AGBL4: variants seen among roughly 807,000 people sequenced by gnomAD.
AGBL4 encodes the protein AGBL carboxypeptidase 4.
AGBL4 carries 58 observed loss-of-function variants against 66.4 expected under a neutral mutation model. The ratio of observed to expected loss-of-function variants is 0.87; its 90% CI spans 0.71 to 1.09. The LOEUF is 1.09. Among genes scored for constraint, AGBL4 ranks in the 50% least tolerant of loss-of-function variants. AGBL4 has a pLI of 0.00. For missense variants in AGBL4, 579 were observed against 631.0 expected (o/e 0.92, Z 0.88); for synonymous variants, 234 against 222.9 (o/e 1.05, Z -0.44).
chr1:49,989,019 G>A (rs977615777), intron 1 of AGBL4, among the ~76,000 whole-genome samples: 1 of 152,076 alleles, frequency 6.6e-6, no homozygotes, highest in Non-Finnish European at 1.5e-5. Context: ...AAACAAACCC[G>A]TATTTGTGCA....
chr1:49,683,736 G>A (rs1054831254), intron 3 of AGBL4, among the ~76,000 whole-genome samples: 3 of 152,136 alleles, frequency 2.0e-5, no homozygotes, highest in African/African-American at 7.2e-5. Flanking sequence ...ATGAGGAAAC[G>A]ACATGAATAA....
intron 6 of AGBL4, chr1:48,776,525 CCCT>C: frequency 3.8e-6 from 4 of 1,046,876 alleles, no homozygotes; most frequent in Non-Finnish European, 3.9e-6. Context: ...CCCCCCGGTC[CCCT>C]CCGCCCGGGC....
chr1:49,412,168 C>T (rs1557916392), intron 3 of AGBL4, among the ~76,000 whole-genome samples: 2 of 151,842 alleles, frequency 1.3e-5, no homozygotes, highest in East Asian at 3.9e-4. Context: ...AACAAAGTAC[C>T]ATAGACTGGG....
chr1:49,721,839 T>C (rs185746003), intron 2 of AGBL4, among the ~76,000 whole-genome samples: 36 of 152,196 alleles, frequency 2.4e-4, no homozygotes, highest in African/African-American at 8.4e-4. Context: ...AATACTTAAT[T>C]GGCTTTCATA....
At chr1:48,966,045 C>T (rs1338614230) in intron 5 of AGBL4, among the ~76,000 whole-genome samples, 1 of 152,090 alleles carries the variant, frequency 6.6e-6, no homozygotes, top group African/African-American at 2.4e-5. Context: ...CAAATGCTCT[C>T]ACCCTCATTT....
intron 6 of AGBL4, among the ~76,000 whole-genome samples, chr1:48,689,313 C>G (rs911004340): frequency 6.6e-6 from 1 of 151,970 alleles, no homozygotes; most frequent in Non-Finnish European, 1.5e-5. Flanking sequence ...AGGAAAAGGA[C>G]TGGGCCCAGA....
At chr1:49,553,383 C>A (rs966526473) in intron 3 of AGBL4, among the ~76,000 whole-genome samples, 2 of 152,164 alleles carry the variant, frequency 1.3e-5, no homozygotes, top group African/African-American at 4.8e-5. Flanking sequence ...TGGATGAGAC[C>A]ATTCTTCACT....
intron 5 of AGBL4, among the ~76,000 whole-genome samples, chr1:48,867,652 T>C (rs183041940): frequency 1.7e-4 from 26 of 152,324 alleles, no homozygotes; most frequent in Non-Finnish European, 3.2e-4. Flanking sequence ...GGCAATGCTC[T>C]TTGCCTTGAG....
intron 4 of AGBL4, among the ~76,000 whole-genome samples, chr1:49,170,550 T>C (rs1304263770): frequency 6.8e-6 from 1 of 146,028 alleles, no homozygotes; most frequent in Non-Finnish European, 1.5e-5. Flanking sequence ...TACATTAATA[T>C]ACAAATATGT....
At chr1:49,198,961 T>C (rs1275275760) in intron 4 of AGBL4, among the ~76,000 whole-genome samples, 2 of 152,296 alleles carry the variant, frequency 1.3e-5, no homozygotes, top group East Asian at 3.9e-4. Flanking sequence ...AAGAACTCAG[T>C]TTACATGCAC....
chr1:49,658,894 G>A (rs1056297345), intron 3 of AGBL4, among the ~76,000 whole-genome samples: 4 of 151,936 alleles, frequency 2.6e-5, no homozygotes, highest in African/African-American at 7.3e-5. Flanking sequence ...AGCATTAGGA[G>A]ATATACCTAA....
chr1:49,199,723 CTAAT>C (rs1647536381), intron 4 of AGBL4, among the ~76,000 whole-genome samples: 1 of 152,178 alleles, frequency 6.6e-6, no homozygotes, highest in South Asian at 2.1e-4. Context: ...TCTCTCCAGA[CTAAT>C]TAGTTCAGTT....
chr1:49,336,761 A>G (rs928980068), intron 3 of AGBL4, among the ~76,000 whole-genome samples: 4 of 152,208 alleles, frequency 2.6e-5, no homozygotes, highest in African/African-American at 9.6e-5. Flanking sequence ...ATTAGAAAGT[A>G]AGATTCATAA....
intron 1 of AGBL4, chr1:50,017,475 A>G (rs1662077252): frequency 6.6e-6 from 1 of 152,138 alleles, no homozygotes; most frequent in Admixed American, 6.6e-5. Context: ...ATCAAATACA[A>G]CTGCGAAAAT....
rs543471713 is a variant in AGBL4, at chr1:48,587,080, G to C, written c.1191C>G (p.Cys397Trp). 6.2e-7 allele frequency: 1 copy of C among 1,600,786 alleles called. No homozygotes were observed. The highest frequency in any genetic ancestry group is 2.3e-5 in the East Asian group (1 of 44,366). ...LGGLLDHTSY[C>W]YTLEVSFYSY... ...TGTAGAAGGAGACCTCTAGGGTGTA[G>C]CAATAGGAAGTGTGGTCCAGGAGTC... The change falls in exon 11 of 14, where the codon TGC becomes TGG. Residue 397 changes from cysteine (C) to tryptophan (W), a missense_variant. By Grantham distance (215) the Cys-to-Trp change is radical. Coordinates refer to ENST00000371839, the MANE Select transcript of AGBL4 (RefSeq NM_032785.4).
intron 2 of AGBL4, among the ~76,000 whole-genome samples, chr1:49,829,605 T>C (rs1645602909): frequency 6.6e-6 from 1 of 152,154 alleles, no homozygotes; most frequent in South Asian, 2.1e-4. Context: ...CAAAATCATC[T>C]CACACATAAT....
At chr1:49,085,556 G>C (rs1284495206) in intron 4 of AGBL4, among the ~76,000 whole-genome samples, 1 of 151,882 alleles carries the variant, frequency 6.6e-6, no homozygotes, top group East Asian at 1.9e-4. Context: ...TGTTCTCATG[G>C]AGAGGAAACA....
At chr1:49,359,832 C>G (rs571200150) in intron 3 of AGBL4, among the ~76,000 whole-genome samples, 2 of 152,050 alleles carry the variant, frequency 1.3e-5, no homozygotes, top group African/African-American at 4.8e-5. Context: ...TCACATATTA[C>G]TGGTATGCTG....
chr1:49,909,434 A>G (rs1650601224), intron 1 of AGBL4, among the ~76,000 whole-genome samples: 1 of 152,146 alleles, frequency 6.6e-6, no homozygotes, highest in Non-Finnish European at 1.5e-5. Context: ...AAGGGGACGT[A>G]AGCCATGTGG....
Sources: gnomAD v4.1 joint callset for allele counts (sites outside exome capture counted in the v4.1 genomes callset) on GRCh38, gnomAD v4.1.1 for gene constraint, MANE v1.5 for transcripts, NCBI Gene and HGNC (gene_info 2026-07-23, HGNC 2026-07-21) for gene names.